The following TOGARAM1 variants were observed in gnomAD, a reference collection of about 807,000 sequenced individuals.
The protein encoded by TOGARAM1 is TOG array regulator of axonemal microtubules protein 1.
A neutral mutation model predicts 166.6 loss-of-function variants in TOGARAM1; 100 were observed. The ratio of observed to expected loss-of-function variants is 0.60; its 90% CI spans 0.51 to 0.71. TOGARAM1 has a LOEUF of 0.71. Among genes scored for constraint, TOGARAM1 ranks in the 30% least tolerant of loss-of-function variants. TOGARAM1 has a pLI of 0.00. For synonymous variants in TOGARAM1, 758 were observed against 763.8 expected, an observed-to-expected ratio of 0.99 and a Z score of 0.13; for missense variants, 2,029 against 2,102.7, an observed-to-expected ratio of 0.96 and a Z score of 0.69.
At chr14:44,970,877 G>C (rs1379348506) in intron 1 of TOGARAM1, among the ~76,000 whole-genome samples, 1 of 152,008 alleles carries the variant, frequency 6.6e-6, no homozygotes, top group Non-Finnish European at 1.5e-5. Context: ...TGCATACCTG[G>C]GATAAATTCC....
At chr14:45,003,973 C>A (rs1887816738) in intron 3 of TOGARAM1, 88 bp from the exon 4 acceptor site, 1 of 1,083,242 alleles carries the variant, frequency 9.2e-7, no homozygotes, top group Non-Finnish European at 1.3e-6. Flanking sequence ...GGGATGAAAA[C>A]CTGAATGGGA....
chr14:44,962,600 G>GC lies in TOGARAM1; in HGVS notation c.183dup (p.Thr62HisfsTer23). On this transcript the variant is annotated frameshift_variant, in exon 1 of 20. Transcript: ENST00000361462. LOFTEE classifies it high-confidence loss of function. ...GGAGCTGCGGGGGACCACGGTTCCT[G>GC]CCCCACTACAACTTCGCCTCTGGCC... is the stretch of plus-strand genomic sequence containing the variant. 6.2e-7 allele frequency: 1 copy of GC among 1,613,734 alleles called. No homozygotes were observed. Among genetic ancestry groups the GC allele is most frequent in the Non-Finnish European group, 8.5e-7 (1 of 1,179,722 alleles).
In TOGARAM1 at chr14:45,006,210, T is replaced by C; in HGVS notation, c.2847T>C (p.Ser949=). The change falls in exon 5 of 20, where the codon AGT becomes AGC. Residue 949 remains serine, a synonymous_variant. Transcript: ENST00000361462. The part of the protein sequence containing the change: ...PDDIWKCEKD[S]LPIDLSELNF... Reference sequence around the variant, plus strand: ...ATATTTGGAAGTGTGAAAAAGATAGTCTTCCAATTGATCTTTCAGAATTAA... The same window carrying C: ...ATATTTGGAAGTGTGAAAAAGATAGCCTTCCAATTGATCTTTCAGAATTAA... 6.2e-7 allele frequency: 1 copy of C among 1,612,930 alleles called. No homozygotes were observed. The highest frequency in any genetic ancestry group is 8.5e-7 in the Non-Finnish European group (1 of 1,178,984).
At chr14:45,041,637 A>G (rs1489983147) in intron 11 of TOGARAM1, among the ~76,000 whole-genome samples, 1 of 152,254 alleles carries the variant, frequency 6.6e-6, no homozygotes, top group African/African-American at 2.4e-5. Flanking sequence ...AAAAATTCTT[A>G]ACACAGAACT....
intron 12 of TOGARAM1, among the ~76,000 whole-genome samples, chr14:45,044,255 C>G (rs944424349): frequency 3.3e-5 from 5 of 152,132 alleles, no homozygotes; most frequent in Admixed American, 2.0e-4. Flanking sequence ...GGTGATCCAC[C>G]CACCTCGGCC....
intron 1 of TOGARAM1, among the ~76,000 whole-genome samples, chr14:44,965,314 A>G (rs756300811): frequency 2.0e-5 from 3 of 152,136 alleles, no homozygotes; most frequent in African/African-American, 7.2e-5. Flanking sequence ...AAATTTCCCA[A>G]ATTGTCTCCA....
At chr14:45,041,421 AG>A (rs966349260) in intron 11 of TOGARAM1, among the ~76,000 whole-genome samples, 12 of 152,334 alleles carry the variant, frequency 7.9e-5, no homozygotes, top group Non-Finnish European at 1.3e-4. Flanking sequence ...AAAACAAAAA[AG>A]TTTCCACAAA....
At chr14:44,981,731 G>C (rs1886544164) in intron 1 of TOGARAM1, among the ~76,000 whole-genome samples, 1 of 151,894 alleles carries the variant, frequency 6.6e-6, no homozygotes, top group Admixed American at 6.6e-5. Flanking sequence ...CTCACTCCTA[G>C]AGGTCTACAA....
At chr14:45,025,055 C>T (rs779835188) in intron 7 of TOGARAM1, among the ~76,000 whole-genome samples, 7 of 152,146 alleles carry the variant, frequency 4.6e-5, no homozygotes, top group Non-Finnish European at 1.0e-4. Flanking sequence ...TAGATCCTAT[C>T]CCCATGGAAC....
chr14:44,992,440 A>G (rs1204263417), intron 1 of TOGARAM1, among the ~76,000 whole-genome samples: 3 of 152,046 alleles, frequency 2.0e-5, no homozygotes, highest in Non-Finnish European at 2.9e-5. Flanking sequence ...CAGTAAAGCC[A>G]GGAGTATAGG....
intron 18 of TOGARAM1, among the ~76,000 whole-genome samples, chr14:45,071,320 G>A (rs1883371635): frequency 6.9e-6 from 1 of 145,706 alleles, no homozygotes; most frequent in Non-Finnish European, 1.5e-5. Context: ...CCACATGATA[G>A]CTCCTTTAAA....
chr14:45,061,874 G>T (rs1288953550), intron 16 of TOGARAM1, among the ~76,000 whole-genome samples: 2 of 151,746 alleles, frequency 1.3e-5, no homozygotes, highest in Non-Finnish European at 2.9e-5. Flanking sequence ...ATCCCTTGTG[G>T]TTTCTTCTTT....
chr14:45,021,087 G>A (rs1033068727), intron 7 of TOGARAM1, among the ~76,000 whole-genome samples: 5 of 152,132 alleles, frequency 3.3e-5, no homozygotes, highest in South Asian at 2.1e-4. Flanking sequence ...CTATGTACCC[G>A]GGTCAGTTGG....
At chr14:45,031,854 G>A (rs143974685) in intron 10 of TOGARAM1, among the ~76,000 whole-genome samples, 1,774 of 152,180 alleles carry the variant, frequency 0.012, 24 homozygotes, top group Middle Eastern at 0.031. Flanking sequence ...AATAATGTTT[G>A]TACCCTTTGT....
intron 1 of TOGARAM1, among the ~76,000 whole-genome samples, chr14:44,988,302 A>G (rs531756210): frequency 3.5e-4 from 53 of 152,210 alleles, no homozygotes; most frequent in African/African-American, 1.1e-3. Context: ...ATATGATATA[A>G]GCACTTAACG....
In TOGARAM1 at chr14:44,963,295, T is replaced by G. The variant is rs1010843994; in HGVS notation, c.874T>G (p.Phe292Val). Residue 292 changes from phenylalanine to valine, a missense_variant, in exon 1 of 20, where the codon TTT becomes GTT. Around this residue, in one of 2 missense-constraint regions of TOGARAM1, gnomAD observed 1,453 missense variants for 1,432.2 expected, o/e 1.01. Transcript: ENST00000361462. Reference protein sequence around the residue: ...QIGERLGQDRFQSYISRLPSA... With the variant: ...QIGERLGQDRVQSYISRLPSA... Reference sequence around the variant, plus strand: ...TGGGGAGCGACTTGGCCAAGACAGGTTTCAATCTTACATTTCTCGTCTGCC... The same window carrying G: ...TGGGGAGCGACTTGGCCAAGACAGGGTTCAATCTTACATTTCTCGTCTGCC... 1.2e-6 allele frequency: 2 copies of G among 1,613,950 alleles called. No individual in the cohort carries two copies. Among genetic ancestry groups the G allele is most frequent in the African/African-American group, 2.7e-5 (2 of 74,882 alleles).
intron 2 of TOGARAM1, among the ~76,000 whole-genome samples, chr14:44,998,462 C>T (rs559450207): frequency 1.4e-3 from 212 of 152,270 alleles, no homozygotes; most frequent in Non-Finnish European, 6.3e-4. Flanking sequence ...CGCCTGTAAT[C>T]CCAGCACTTT....
rs773930309 is a variant in TOGARAM1 at position 45,032,369 on chromosome 14, G to A, written c.3805G>A (p.Glu1269Lys). ...LTEALRLLAD[E>K]DWEKKIEGLN... ...AGAAGCCCTGAGGCTTTTGGCTGAT[G>A]AGGATTGGTAAGTTCACCATCCTTA... Residue 1269 changes from glutamate to lysine, a missense_variant, in exon 11 of 20, where the codon GAG becomes AAG. Glu to Lys is a moderately conservative substitution (Grantham distance 56). Transcript: ENST00000361462. The A allele has an allele frequency of 1.2e-6, 2 of 1,613,712 alleles. No homozygotes were observed. The highest frequency in any genetic ancestry group is 1.7e-6 in the Non-Finnish European group (2 of 1,179,894).
chr14:45,058,491 C>G (rs1335576449), intron 16 of TOGARAM1, among the ~76,000 whole-genome samples: 1 of 152,220 alleles, frequency 6.6e-6, no homozygotes, highest in South Asian at 2.1e-4. Flanking sequence ...GACGGGGTTT[C>G]ACTATGTTGG....
Sources: allele counts gnomAD v4.1 joint callset (sites outside exome capture counted in the v4.1 genomes callset), GRCh38; gene constraint gnomAD v4.1.1; regional missense constraint gnomAD v4.1.1; transcripts MANE v1.5; gene names NCBI Gene and HGNC (gene_info 2026-07-23, HGNC 2026-07-21).